PABPC4: variants seen among roughly 807,000 people sequenced by gnomAD.
The protein encoded by PABPC4 is polyadenylate-binding protein 4.
Under a neutral mutation model 74.5 loss-of-function variants are expected in PABPC4, and 15 were observed. The ratio of observed to expected loss-of-function variants is 0.20; its 90% CI spans 0.13 to 0.31. PABPC4 has a LOEUF of 0.31. Among genes scored for constraint, PABPC4 ranks in the 10% least tolerant of loss-of-function variants. PABPC4 has a pLI of 1.00. For missense variants in PABPC4, 610 were observed against 853.5 expected (o/e 0.71, Z 3.55); for synonymous variants, 345 against 303.0 (o/e 1.14, Z -1.44).
At chr1:39,569,719 C>T (rs751306202) in intron 4 of PABPC4, 30 bp from the exon 5 acceptor site, 1 of 1,593,298 alleles carries the variant, frequency 6.3e-7, no homozygotes, top group South Asian at 1.1e-5. Flanking sequence ...CTATTAGTAA[C>T]ACCATCTTGA....
intron 15 of PABPC4, 191 bp from the exon 16 acceptor site, chr1:39,561,313 C>T: frequency 2.9e-6 from 1 of 341,352 alleles, no homozygotes; most frequent in Non-Finnish European, 5.8e-6. Flanking sequence ...GTCTTTACCA[C>T]TAGATGACAA....
rs774564529 is a variant in PABPC4 at position 39,563,714 on chromosome 1, G to A, written c.1568C>T (p.Ala523Val). The change falls in exon 12 of 16, where the codon GCG (alanine) becomes GTG (valine). Residue 523 changes from alanine to valine, a missense_variant. Ala to Val is a moderately conservative substitution (Grantham distance 64). This residue lies in a region of PABPC4 where 277 missense variants were observed against 301.8 expected (regional missense o/e 0.92). Coordinates refer to ENST00000372858, the MANE Select transcript of PABPC4 (RefSeq NM_001135653.2). ...AGCAGCAGCAACAGCAGCGCGTGGC[G>A]CTAAGTTCTGCACAGCTGTGGGAAC... ...GGVPTAVQNL[A>V]PRAAVAAAAP... The A allele has an allele frequency of 2.2e-5, 35 of 1,614,164 alleles. No individual in the cohort carries two copies. Among genetic ancestry groups the A allele is most frequent in the African/African-American group, 2.7e-5 (2 of 74,958 alleles).
Position 39,572,534 on chromosome 1 carries a change from G to T in PABPC4, c.246C>A (p.Ile82=), listed in dbSNP as rs758905660. 2.5e-6 allele frequency: 4 copies of T among 1,614,058 alleles called. No homozygotes were observed. The East Asian group carries it at 8.9e-5, about 36-fold the overall frequency. ...MNFDVIKGKP[I]RIMWSQRDPS... ...GATCCCTCTGAGACCACATGATGCG[G>T]ATTGGCTTTCCCTTAATCACATCAA... The change falls in exon 2 of 16, where the codon ATC becomes ATA. Residue 82 remains isoleucine (I), a synonymous_variant. Transcript: ENST00000372858.
chr1:39,564,796 A>G, intron 8 of PABPC4, 23 bp from the exon 9 acceptor site: 2 of 1,574,688 alleles, frequency 1.3e-6, no homozygotes, highest in South Asian at 1.1e-5. Flanking sequence ...AGAATACCCA[A>G]ACACCCCCTT....
At chr1:39,575,491 C>T (rs1001390014) in intron 1 of PABPC4, among the ~76,000 whole-genome samples, 4 of 152,208 alleles carry the variant, frequency 2.6e-5, no homozygotes, top group Non-Finnish European at 5.9e-5. Context: ...CACTCTAATC[C>T]TGTTTTACAG....
intron 14 of PABPC4, 71 bp downstream of exon 14, chr1:39,562,002 T>C: frequency 1.3e-6 from 2 of 1,546,548 alleles, no homozygotes; most frequent in African/African-American, 1.4e-5. Context: ...CTGCTGCACC[T>C]GGGCATCCAA....
chr1:39,561,189 GGA>G lies in PABPC4; in HGVS notation c.*14-69_*14-68del. ...TAATTTAGATTCATTAACATATAGT[GGA>G]TAAAGGAAGGTATTCTAGAAGAGAG... On this transcript the variant is annotated intron_variant, in intron 15 of 15. Coordinates refer to ENST00000372858, the MANE Select transcript of PABPC4 (RefSeq NM_001135653.2). 3 of 462,834 alleles carry G rather than the reference GGA, an allele frequency of 6.5e-6. No individual in the cohort carries two copies. In the Admixed American group the frequency reaches 7.4e-5, roughly 11 times the overall value. 28.7% of individuals were successfully genotyped at this position (462,834 alleles called of 1,614,324 possible).
At chr1:39,575,724 G>A (rs766685805) in intron 1 of PABPC4, 35 bp downstream of exon 1, 287 of 1,486,292 alleles carry the variant, frequency 1.9e-4, no homozygotes, top group Non-Finnish European at 2.2e-5. Context: ...GGTCCTCCGG[G>A]CTCCCACGCA....
Position 39,571,138 on chromosome 1 carries a change from C to A in PABPC4, c.503+96G>T, listed in dbSNP as rs1355023452. Reference sequence around the variant, plus strand: ...AGGTAGGAGCAGGCCACACTTGGGCCGAGAACCAGTAGCCGCCTTGTGTGT... The same window carrying A: ...AGGTAGGAGCAGGCCACACTTGGGCAGAGAACCAGTAGCCGCCTTGTGTGT... On this transcript the variant is annotated intron_variant, in intron 3 of 15. Transcript: ENST00000372858. The A allele has an allele frequency of 2.5e-6, 4 of 1,591,858 alleles. No individual in the cohort carries two copies. In the Admixed American group the frequency reaches 6.7e-5, roughly 27 times the overall value.
At chr1:39,566,987 C>T (rs1295518041) in intron 7 of PABPC4, among the ~76,000 whole-genome samples, 1 of 141,762 alleles carries the variant, frequency 7.1e-6, no homozygotes, top group African/African-American at 2.5e-5. Flanking sequence ...TACCAGCCCA[C>T]GTGGCTTCCC....
At chr1:39,568,266 AAAAAAAAG>A (rs1308240513) in intron 6 of PABPC4, 4 of 158,324 alleles carry the variant, frequency 2.5e-5, no homozygotes, top group Non-Finnish European at 5.5e-5. Flanking sequence ...AGAAAAAAAA[AAAAAAAAG>A]AAAGAAATGA....
rs575693593 is a variant in PABPC4 at position 39,571,450 on chromosome 1, G to A, written c.388-101C>T. The A allele has an allele frequency of 2.2e-6, 3 of 1,359,646 alleles. No homozygotes were observed. The African/African-American group carries it at 4.3e-5, about 19-fold the overall frequency. 84.2% of individuals were successfully genotyped at this position (1,359,646 alleles called of 1,614,324 possible). A position where few individuals can be genotyped will look rare whatever the true frequency, so the allele number is the denominator to read the frequency against. On this transcript the variant is annotated intron_variant, in intron 2 of 15. Transcript: ENST00000372858. The stretch of plus-strand genomic sequence containing the variant: ...CCTGAGGAGACTCTAGCCCATCCAT[G>A]GCCAATGGTGGTCAAGTACACCAGT...
intron 2 of PABPC4, 106 bp from the exon 3 acceptor site, chr1:39,571,455 A>G (rs1156820288): frequency 6.7e-6 from 9 of 1,333,948 alleles, no homozygotes; most frequent in South Asian, 3.7e-5. Context: ...TCCATGGCCA[A>G]TGGTGGTCAA....
At chr1:39,566,678 T>C (rs1388871403) in intron 7 of PABPC4, among the ~76,000 whole-genome samples, 3 of 152,194 alleles carry the variant, frequency 2.0e-5, no homozygotes, top group Non-Finnish European at 2.9e-5. Context: ...CAGTAAGGTA[T>C]GTGAATAAAA....
At chr1:39,567,442 T>G in intron 7 of PABPC4, 1 of 544,038 alleles carries the variant, frequency 1.8e-6, no homozygotes, top group Non-Finnish European at 3.6e-6. Context: ...TTTCCTCTGC[T>G]CATTCTGTAG....
rs772020334 is a variant in PABPC4, at chr1:39,568,875, T to C, written c.803A>G (p.Lys268Arg). 1.9e-6 allele frequency: 3 copies of C among 1,614,152 alleles called. No individual in the cohort carries two copies. Among genetic ancestry groups the C allele is most frequent in the Non-Finnish European group, 2.5e-6 (3 of 1,179,952 alleles). Residue 268 changes from lysine to arginine, a missense_variant, in exon 6 of 16, where the codon AAG (lysine) becomes AGG (arginine). Physicochemically the swap from Lys to Arg is conservative, Grantham distance 26. Transcript: ENST00000372858. ...TAACTCTGCCTGCCGTTCTACTTTC[T>C]TTTGTGCACGGCCTACAAATATGAT... ...GKIIFVGRAQKKVERQAELKR... is the reference protein window; with the variant it reads ...GKIIFVGRAQRKVERQAELKR...
In PABPC4 at chr1:39,571,325, T is replaced by G. The variant is rs745904196; in HGVS notation, c.412A>C (p.Lys138Gln). 1.2e-6 allele frequency: 2 copies of G among 1,614,028 alleles called. No individual in the cohort carries two copies. Among genetic ancestry groups the G allele is most frequent in the African/African-American group, 2.7e-5 (2 of 74,916 alleles). ...TCGAAGTGGACAAAGGCATAACCCT[T>G]AGAGCCGTTCTCATCACACACCACC... ...CKVVCDENGS[K>Q]GYAFVHFETQ... The change falls in exon 3 of 16, where the codon AAG becomes CAG. Residue 138 changes from lysine to glutamine, a missense_variant. Lys to Gln is a moderately conservative substitution (Grantham distance 53). Coordinates refer to ENST00000372858, the MANE Select transcript of PABPC4 (RefSeq NM_001135653.2).
In PABPC4 at chr1:39,576,567, C is replaced by A. The variant is rs1447628948; in HGVS notation, c.-616G>T. 1 of 149,354 alleles carries A rather than the reference C, an allele frequency of 6.7e-6. No individual in the cohort carries two copies. The highest frequency in any genetic ancestry group is 2.4e-5 in the African/African-American group (1 of 40,898). The allele number at this position is 149,354 out of a possible 1,614,324, so 9.3% of individuals were successfully genotyped here. On this transcript the variant is annotated 5_prime_UTR_variant, in exon 1 of 16. Coordinates refer to ENST00000372858, the MANE Select transcript of PABPC4 (RefSeq NM_001135653.2). ...GGCGGCTCACCCCCGGACCGACGGA[C>A]GGAGACCGACGGACGCCAAGCGCTG...
intron 7 of PABPC4, chr1:39,567,267 G>A (rs545162615): frequency 1.7e-4 from 67 of 403,992 alleles, no homozygotes; most frequent in Non-Finnish European, 2.9e-4. Context: ...TGCACACTAC[G>A]AAACATAGAA....
Sources: allele counts gnomAD v4.1 joint callset (sites outside exome capture counted in the v4.1 genomes callset), GRCh38; gene constraint gnomAD v4.1.1; regional missense constraint gnomAD v4.1.1; transcripts MANE v1.5; gene names NCBI Gene and HGNC (gene_info 2026-07-23, HGNC 2026-07-21).